Variants in EYS observed in about 807,000 individuals in gnomAD.
EYS encodes the protein protein eyes shut homolog.
In EYS, 250 loss-of-function variants were observed where a neutral mutation model predicts 282.1. The observed-to-expected ratio is 0.89, with a 90% CI of 0.80 to 0.98. The LOEUF (loss-of-function observed/expected upper bound fraction) is 0.98. EYS is among the 50% of genes least tolerant of loss of function. EYS has a pLI of 0.00. For synonymous variants in EYS, 1,355 were observed against 1,282.9 expected (o/e 1.06, Z -1.20); for missense variants, 4,016 against 3,709.0 (o/e 1.08, Z -2.15).
chr6:65,089,848 G>A (rs1367952201), intron 12 of EYS, among the ~76,000 whole-genome samples: 1 of 151,384 alleles, frequency 6.6e-6, no homozygotes, highest in African/African-American at 2.4e-5. Flanking sequence ...CCCAGCTACT[G>A]GGTAGGTTGA....
chr6:65,318,115 C>T (rs1301538599), intron 11 of EYS, among the ~76,000 whole-genome samples: 1 of 151,312 alleles, frequency 6.6e-6, no homozygotes, highest in Non-Finnish European at 1.5e-5. Flanking sequence ...GATCCGCCCA[C>T]CTCGGCCTCC....
intron 28 of EYS, among the ~76,000 whole-genome samples, chr6:64,389,918 A>C (rs1187722342): frequency 6.6e-6 from 1 of 151,826 alleles, no homozygotes; most frequent in Admixed American, 6.6e-5. Context: ...GGGTGTGCAC[A>C]CCGTGCGCCA....
intron 12 of EYS, among the ~76,000 whole-genome samples, chr6:65,058,604 C>T (rs941252181): frequency 8.6e-5 from 13 of 150,698 alleles, no homozygotes; most frequent in Non-Finnish European, 1.2e-4. Context: ...AATTTTACAA[C>T]GTAAGCCTAT....
At chr6:64,452,713 C>G (rs1167577821) in intron 26 of EYS, among the ~76,000 whole-genome samples, 5 of 152,124 alleles carry the variant, frequency 3.3e-5, no homozygotes, top group African/African-American at 9.7e-5. Flanking sequence ...CGCATATCTA[C>G]AACCATCTGA....
chr6:63,930,317 G>A (rs1282911500), intron 35 of EYS, among the ~76,000 whole-genome samples: 1 of 115,428 alleles, frequency 8.7e-6, no homozygotes, highest in Non-Finnish European at 1.7e-5. Flanking sequence ...AAGTGTCAAG[G>A]TTGATCACGT....
chr6:65,421,959 A>T (rs1055360605), intron 5 of EYS, among the ~76,000 whole-genome samples: 5 of 151,930 alleles, frequency 3.3e-5, no homozygotes, highest in African/African-American at 1.2e-4. Flanking sequence ...ATATAACAAT[A>T]AAAAAGTTTG....
intron 30 of EYS, among the ~76,000 whole-genome samples, chr6:64,251,270 C>A (rs1278526064): frequency 6.6e-6 from 1 of 152,112 alleles, no homozygotes; most frequent in African/African-American, 2.4e-5. Flanking sequence ...GTTTAATAAG[C>A]TTTAAAGCAA....
At chr6:65,190,353 A>G (rs1765611989) in intron 12 of EYS, among the ~76,000 whole-genome samples, 1 of 149,248 alleles carries the variant, frequency 6.7e-6, no homozygotes, top group Admixed American at 6.7e-5. Flanking sequence ...AATATATGTA[A>G]TATTACCTAG....
At chr6:65,463,556 T>C (rs986243447) in intron 5 of EYS, among the ~76,000 whole-genome samples, 1 of 152,182 alleles carries the variant, frequency 6.6e-6, no homozygotes, top group African/African-American at 2.4e-5. Flanking sequence ...ACATATTTGT[T>C]CAATGCCAGA....
At chr6:63,970,581 G>A (rs1373325576) in intron 35 of EYS, among the ~76,000 whole-genome samples, 1 of 151,352 alleles carries the variant, frequency 6.6e-6, no homozygotes, top group African/African-American at 2.4e-5. Flanking sequence ...CTTGCTGTAA[G>A]TCGAGATCAC....
intron 5 of EYS, among the ~76,000 whole-genome samples, chr6:65,449,824 C>T (rs966338693): frequency 6.6e-6 from 1 of 151,806 alleles, no homozygotes; most frequent in East Asian, 1.9e-4. Flanking sequence ...AAAGTAATTT[C>T]TTCCTTTAGC....
At chr6:64,601,679 A>C (rs1335890725) in intron 24 of EYS, among the ~76,000 whole-genome samples, 2 of 152,104 alleles carry the variant, frequency 1.3e-5, no homozygotes, top group Non-Finnish European at 2.9e-5. Flanking sequence ...GAAGAATAGG[A>C]ATATTTTAAG....
chr6:64,220,411 A>G (rs1257593188), intron 31 of EYS, among the ~76,000 whole-genome samples: 1 of 152,134 alleles, frequency 6.6e-6, no homozygotes, highest in African/African-American at 2.4e-5. Flanking sequence ...CTTCTTGGGC[A>G]GCTGCTTTCT....
At chr6:64,321,319 C>G (rs964737487) in intron 29 of EYS, among the ~76,000 whole-genome samples, 2 of 151,726 alleles carry the variant, frequency 1.3e-5, no homozygotes, top group Non-Finnish European at 3.0e-5. Context: ...ATATGTTACT[C>G]AGGCTTAGTT....
At chr6:64,690,167 G>T (rs969302242) in intron 22 of EYS, among the ~76,000 whole-genome samples, 43 of 152,116 alleles carry the variant, frequency 2.8e-4, no homozygotes, top group Non-Finnish European at 4.9e-4. Context: ...AGTGGGCGAA[G>T]GATATGAACA....
chr6:64,563,514 T>C (rs1220500959), intron 26 of EYS, among the ~76,000 whole-genome samples: 1 of 152,140 alleles, frequency 6.6e-6, no homozygotes. Flanking sequence ...CTATAATTGA[T>C]GCACAGAGGG....
chr6:65,674,450 CAAAAAAAAAAAAAA>C (rs56958605), intron 1 of EYS, among the ~76,000 whole-genome samples: 4 of 34,770 alleles, frequency 1.2e-4, no homozygotes, highest in African/African-American at 4.2e-4. Context: ...GACTCCGTCT[CAAAAAAAAAAAAAA>C]AAAAAAAAAA....
intron 5 of EYS, among the ~76,000 whole-genome samples, chr6:65,415,449 G>A (rs552787984): frequency 2.0e-5 from 3 of 152,176 alleles, no homozygotes; most frequent in East Asian, 1.9e-4. Context: ...GGAGGTCTTA[G>A]AGGTTGTCAG....
chr6:64,414,956 A>G (rs1360895936), intron 28 of EYS, among the ~76,000 whole-genome samples: 1 of 152,202 alleles, frequency 6.6e-6, no homozygotes, highest in Non-Finnish European at 1.5e-5. Context: ...ATAGGTAATT[A>G]CCTTTGAAAT....
Sources: gnomAD v4.1 joint callset for allele counts (sites outside exome capture counted in the v4.1 genomes callset) on GRCh38, gnomAD v4.1.1 for gene constraint, MANE v1.5 for transcripts, NCBI Gene and HGNC (gene_info 2026-07-23, HGNC 2026-07-21) for gene names.